Variants in SRRM4 observed in about 807,000 individuals in gnomAD.
SRRM4 encodes serine/arginine repetitive matrix protein 4.
In SRRM4, 33 loss-of-function variants were observed where a neutral mutation model predicts 68.9. That is an observed-to-expected ratio of 0.48 (90% CI 0.36 to 0.64). The LOEUF is 0.64. Among genes scored for constraint, SRRM4 ranks in the 30% least tolerant of loss-of-function variants. SRRM4 has a pLI of 0.00. For missense variants in SRRM4, 817 were observed against 827.1 expected (o/e 0.99, Z 0.15); for synonymous variants, 318 against 318.8 (o/e 1.00, Z 0.03).
chr12:119,155,062 G>A (rs1954464000), intron 12 of SRRM4, among the ~76,000 whole-genome samples: 1 of 152,202 alleles, frequency 6.6e-6, no homozygotes, highest in Non-Finnish European at 1.5e-5. Flanking sequence ...ACTCCCAGAA[G>A]CATGAGGATG....
At chr12:119,000,222 G>A (rs115308508) in intron 1 of SRRM4, among the ~76,000 whole-genome samples, 5 of 152,236 alleles carry the variant, frequency 3.3e-5, no homozygotes, top group South Asian at 4.1e-4. Flanking sequence ...GAAAAGAGCC[G>A]GGCACACCTC....
In SRRM4 at chr12:119,154,787, C is replaced by A. The variant is rs527266821; in HGVS notation, c.1532+404C>A. 3.7e-4 allele frequency among the ~76,000 whole-genome samples: 57 copies of A among 152,266 alleles called. No individual in the cohort carries two copies. Among genetic ancestry groups the A allele is most frequent in the African/African-American group, 1.3e-3 (55 of 41,564 alleles). On this transcript the variant is annotated intron_variant, in intron 12 of 12. Transcript: ENST00000267260. The surrounding 1 kb of genome is among the most constrained non-coding windows in gnomAD (Gnocchi z 4.7). ...TGGCCTGGTGGTGGATCCCGAGCAG[C>A]GGAGACAGACCTCTACCCTCAGACC...
intron 1 of SRRM4, among the ~76,000 whole-genome samples, chr12:119,024,352 G>A (rs1953534602): frequency 6.6e-6 from 1 of 152,176 alleles, no homozygotes; most frequent in Non-Finnish European, 1.5e-5. Flanking sequence ...TCTCTGTGTA[G>A]TTACCAAAGG....
At chr12:118,995,789 T>C (rs1953345646) in intron 1 of SRRM4, among the ~76,000 whole-genome samples, 1 of 152,182 alleles carries the variant, frequency 6.6e-6, no homozygotes, top group Non-Finnish European at 1.5e-5. Context: ...CATCTACCCA[T>C]CCACCCATCC....
chr12:119,117,942 A>C (rs910650864), intron 4 of SRRM4, among the ~76,000 whole-genome samples: 1 of 152,114 alleles, frequency 6.6e-6, no homozygotes, highest in African/African-American at 2.4e-5. Flanking sequence ...CAAACAAAGG[A>C]TATACAACAG....
intron 1 of SRRM4, among the ~76,000 whole-genome samples, chr12:119,079,276 G>T (rs1465463328): frequency 2.0e-5 from 3 of 152,196 alleles, no homozygotes; most frequent in Non-Finnish European, 1.5e-5. Context: ...ACTGGATCGT[G>T]TCTGGCCTCC....
intron 9 of SRRM4, among the ~76,000 whole-genome samples, chr12:119,148,618 C>T (rs557016967): frequency 2.2e-4 from 34 of 152,208 alleles, no homozygotes; most frequent in African/African-American, 7.5e-4. Flanking sequence ...CCCTTTTTTA[C>T]CTGATGGGGA....
chr12:119,119,050 A>T (rs890783699), intron 4 of SRRM4, among the ~76,000 whole-genome samples: 38 of 135,750 alleles, frequency 2.8e-4, no homozygotes, highest in African/African-American at 8.8e-4. Flanking sequence ...AAGCACTGAG[A>T]TTTTTTTTTT....
intron 4 of SRRM4, among the ~76,000 whole-genome samples, chr12:119,119,101 T>A (rs372680404): frequency 3.2e-4 from 48 of 151,908 alleles, no homozygotes; most frequent in African/African-American, 1.1e-3. Context: ...TCTGAGTTTT[T>A]AAAAATTTTT....
chr12:119,004,756 G>A (rs754868815), intron 1 of SRRM4, among the ~76,000 whole-genome samples: 5 of 151,986 alleles, frequency 3.3e-5, no homozygotes, highest in Non-Finnish European at 7.4e-5. Context: ...CAAGCACTGA[G>A]AAGGCACTTT....
intron 1 of SRRM4, 49 bp downstream of exon 1, chr12:118,982,062 G>T (rs896566565): frequency 6.4e-7 from 1 of 1,565,930 alleles, no homozygotes; most frequent in Non-Finnish European, 8.7e-7. Context: ...CCTCCTTTCT[G>T]GCCTGTGCCC....
chr12:119,154,154 GGAAA>G lies in SRRM4; in HGVS notation c.1392-83_1392-80del. On this transcript the variant is annotated intron_variant, in intron 11 of 12. Transcript: ENST00000267260. The surrounding 1 kb of genome is among the most constrained non-coding windows in gnomAD (Gnocchi z 4.7). ...CCCCATCCCGTGACCCAGTGGGGTG[GGAAA>G]GAAAGGGAGTGTCCCTCTCCCACGC... The G allele has an allele frequency of 7.9e-7, 1 of 1,259,394 alleles. No individual in the cohort carries two copies. The highest frequency in any genetic ancestry group is 2.6e-5 in the East Asian group (1 of 39,128). The allele number at this position is 1,259,394 out of a possible 1,614,324, so 78.0% of individuals were successfully genotyped here.
chr12:119,051,097 A>T (rs921894321), intron 1 of SRRM4, among the ~76,000 whole-genome samples: 1 of 152,094 alleles, frequency 6.6e-6, no homozygotes, highest in Admixed American at 6.5e-5. Flanking sequence ...CAACTGAGGG[A>T]TTGCTACTGG....
intron 1 of SRRM4, among the ~76,000 whole-genome samples, chr12:118,998,425 T>C (rs1436521697): frequency 6.6e-6 from 1 of 152,186 alleles, no homozygotes; most frequent in African/African-American, 2.4e-5. Flanking sequence ...GTAATGTCTG[T>C]CATCCTTGCA....
chr12:118,984,999 C>T (rs751110564), intron 1 of SRRM4, among the ~76,000 whole-genome samples: 5 of 152,172 alleles, frequency 3.3e-5, no homozygotes, highest in African/African-American at 4.8e-5. Flanking sequence ...TTAGGTAAAG[C>T]TCTACCCCTA....
chr12:119,130,409 A>G (rs80198403), intron 7 of SRRM4, among the ~76,000 whole-genome samples: 25,133 of 142,500 alleles, frequency 0.18, 2,506 homozygotes, highest in Non-Finnish European at 0.22. Context: ...TTGCTTAGAC[A>G]GATGGATGGA....
At chr12:119,035,111 G>A (rs1456892240) in intron 1 of SRRM4, among the ~76,000 whole-genome samples, 2 of 151,902 alleles carry the variant, frequency 1.3e-5, no homozygotes, top group Non-Finnish European at 2.9e-5. Context: ...TTTTCAGAGT[G>A]TATAAATTAA....
At chr12:119,076,325 G>C (rs1055102673) in intron 1 of SRRM4, among the ~76,000 whole-genome samples, 1 of 99,220 alleles carries the variant, frequency 1.0e-5, no homozygotes, top group Non-Finnish European at 2.5e-5. Flanking sequence ...CCACTTTACA[G>C]ATGGAAAAAA....
At chr12:119,081,231 A>G (rs1308486170) in intron 1 of SRRM4, among the ~76,000 whole-genome samples, 1 of 152,236 alleles carries the variant, frequency 6.6e-6, no homozygotes. Context: ...AATAAATACT[A>G]TAGACAGAAA....
Sources: gnomAD v4.1 joint callset for allele counts (sites outside exome capture counted in the v4.1 genomes callset) on GRCh38, gnomAD v4.1.1 for gene constraint, Gnocchi (gnomAD v3.1) non-coding constraint, MANE v1.5 for transcripts, NCBI Gene and HGNC (gene_info 2026-07-23, HGNC 2026-07-21) for gene names.